ASB1: variants seen among roughly 807,000 people sequenced by gnomAD.
The protein encoded by ASB1 is ankyrin repeat and SOCS box protein 1.
ASB1 carries 18 observed loss-of-function variants against 27.7 expected under a neutral mutation model. The ratio of observed to expected loss-of-function variants is 0.65; its 90% CI spans 0.45 to 0.96. The LOEUF is 0.96. Among genes scored for constraint, ASB1 ranks in the 50% least tolerant of loss-of-function variants. The pLI is 0.00. For missense variants in ASB1, 397 were observed against 451.7 expected, an observed-to-expected ratio of 0.88 and a Z score of 1.10; for synonymous variants, 189 against 187.6, an observed-to-expected ratio of 1.01 and a Z score of -0.06.
At position 238,431,029 on chromosome 2, in the gene ASB1, C is replaced by T. The variant is rs13398205; in HGVS notation, c.50-2525C>T. Among the ~76,000 whole-genome samples, 872 of 152,380 alleles carry T rather than the reference C, an allele frequency of 5.7e-3. 10 individuals carry two copies. The highest frequency in any genetic ancestry group is 0.02 in the African/African-American group (829 of 41,590). ...AGTCACCAGCTGCGTTAGCCCCTAA[C>T]GAGAGTCAGCTTGTCCTTTAAAGCT... On this transcript the variant is annotated intron_variant, in intron 1 of 4. Transcript: ENST00000264607.
intron 3 of ASB1, among the ~76,000 whole-genome samples, chr2:238,439,202 C>T (rs1702031972): frequency 6.6e-6 from 1 of 152,168 alleles, no homozygotes; most frequent in African/African-American, 2.4e-5. Flanking sequence ...AATACTTCCC[C>T]TGTCACTCCT....
chr2:238,428,651 G>A lies in ASB1; in HGVS notation c.49+1532G>A, dbSNP rs143093652. Among the ~76,000 whole-genome samples the A allele has an allele frequency of 1.2e-4, 18 of 152,262 alleles. No homozygotes were observed. The East Asian group carries it at 3.3e-3, about 28-fold the overall frequency. ...GCTGTTTTGTTATTCAGTGTGTTTC[G>A]GCCTCGGGTAGAGGGGCAACAGATT... On this transcript the variant is annotated intron_variant, in intron 1 of 4. Transcript: ENST00000264607.
chr2:238,445,121 G>A (rs967190424), intron 4 of ASB1, among the ~76,000 whole-genome samples: 7 of 151,380 alleles, frequency 4.6e-5, no homozygotes. Flanking sequence ...AGCTGGGACT[G>A]TAGGTGCACA....
At chr2:238,434,363 C>T (rs899188745) in intron 2 of ASB1, among the ~76,000 whole-genome samples, 2 of 152,184 alleles carry the variant, frequency 1.3e-5, no homozygotes, top group Non-Finnish European at 2.9e-5. Context: ...GATTGTTCTG[C>T]GGGTCTAAGG....
intron 3 of ASB1, among the ~76,000 whole-genome samples, chr2:238,438,199 A>ATATTTTTTTT (rs1702008275): frequency 1.0e-5 from 1 of 98,198 alleles, no homozygotes; most frequent in Non-Finnish European, 1.9e-5. Context: ...GATGCCCTTC[A>ATATTTTTTTT]TTTTTTTTTT....
chr2:238,440,232 T>G (rs910619213), intron 3 of ASB1, among the ~76,000 whole-genome samples: 1 of 152,218 alleles, frequency 6.6e-6, no homozygotes, highest in African/African-American at 2.4e-5. Context: ...TGCAGAACCC[T>G]ATATTTGGAC....
At chr2:238,429,947 A>C (rs1454713849) in intron 1 of ASB1, among the ~76,000 whole-genome samples, 1 of 152,044 alleles carries the variant, frequency 6.6e-6, no homozygotes, top group Non-Finnish European at 1.5e-5. Context: ...CAAAAAAAAA[A>C]AAAAACCAAG....
At position 238,433,595 on chromosome 2, in the gene ASB1, C is replaced by G. The variant is rs757089639; in HGVS notation, c.91C>G (p.His31Asp). 1.2e-6 allele frequency: 2 copies of G among 1,614,076 alleles called. No individual in the cohort carries two copies. Among genetic ancestry groups the G allele is most frequent in the South Asian group, 2.2e-5 (2 of 91,058 alleles). ...KEWLREQFCD[H>D]PLEHCEDTRL... ...GTGGCTGAGGGAGCAATTTTGTGAT[C>G]ATCCGCTGGAGCACTGTGAGGACAC... Residue 31 changes from histidine (H) to aspartate (D), a missense_variant, in exon 2 of 5, where the codon CAT becomes GAT. His to Asp is a moderately conservative substitution (Grantham distance 81). Transcript: ENST00000264607.
chr2:238,443,000 C>G (rs1158691651), intron 3 of ASB1, among the ~76,000 whole-genome samples: 1 of 152,158 alleles, frequency 6.6e-6, no homozygotes, highest in Non-Finnish European at 1.5e-5. Context: ...TCTTGCTTGT[C>G]TTTTTCATAT....
At chr2:238,436,795 G>A (rs1320477151) in intron 3 of ASB1, among the ~76,000 whole-genome samples, 1 of 138,234 alleles carries the variant, frequency 7.2e-6, no homozygotes, top group African/African-American at 2.9e-5. Flanking sequence ...TTACATTTTT[G>A]TCATTGGATC....
intron 3 of ASB1, among the ~76,000 whole-genome samples, chr2:238,440,776 A>T (rs1480222828): frequency 1.3e-5 from 2 of 152,350 alleles, no homozygotes; most frequent in East Asian, 3.9e-4. Flanking sequence ...AAATGGAGTC[A>T]TTTAGAGATT....
chr2:238,441,986 A>C (rs1575006885), intron 3 of ASB1, among the ~76,000 whole-genome samples: 2 of 152,292 alleles, frequency 1.3e-5, no homozygotes, highest in South Asian at 4.1e-4. Context: ...CTGGTCAATA[A>C]ATTTTTGGAT....
intron 2 of ASB1, among the ~76,000 whole-genome samples, chr2:238,434,672 A>G (rs1701933472): frequency 6.6e-6 from 1 of 152,252 alleles, no homozygotes; most frequent in South Asian, 2.1e-4. Flanking sequence ...AGACAGATGG[A>G]TTACGCACAG....
At chr2:238,441,294 T>G (rs1174198044) in intron 3 of ASB1, among the ~76,000 whole-genome samples, 4 of 151,954 alleles carry the variant, frequency 2.6e-5, no homozygotes, top group Non-Finnish European at 2.9e-5. Context: ...GCCACCACAC[T>G]TAGTTAATTT....
At chr2:238,428,656 C>T (rs184495760) in intron 1 of ASB1, among the ~76,000 whole-genome samples, 1 of 152,136 alleles carries the variant, frequency 6.6e-6, no homozygotes, top group Non-Finnish European at 1.5e-5. Flanking sequence ...GTTTCGGCCT[C>T]GGGTAGAGGG....
chr2:238,438,548 C>T (rs970221610), intron 3 of ASB1, among the ~76,000 whole-genome samples: 1 of 152,218 alleles, frequency 6.6e-6, no homozygotes, highest in African/African-American at 2.4e-5. Flanking sequence ...TACTCCCTCA[C>T]TGGAGCACGG....
chr2:238,430,460 C>T (rs776379981), intron 1 of ASB1, among the ~76,000 whole-genome samples: 91 of 152,352 alleles, frequency 6.0e-4, no homozygotes, highest in Middle Eastern at 6.8e-3. Flanking sequence ...CTTGTGATTT[C>T]CACTGCATCT....
Position 238,449,470 on chromosome 2 carries a change from C to G in ASB1, c.*2959C>G, listed in dbSNP as rs2340869. 2,728 of 152,526 alleles carry G rather than the reference C, an allele frequency of 0.018. 52 individuals carry two copies. Among genetic ancestry groups the G allele is most frequent in the Middle Eastern group, 0.048 (16 of 332 alleles). The allele number at this position is 152,526 out of a possible 1,614,324, so 9.4% of individuals were successfully genotyped here. On this transcript the variant is annotated 3_prime_UTR_variant, in exon 5 of 5. Coordinates refer to ENST00000264607, the MANE Select transcript of ASB1 (RefSeq NM_001040445.3). ...GTCACCACTGCCAGTGGCTGTGGAA[C>G]AGTCCTGGGCCCTGGGCCTTGGCTG... is the stretch of plus-strand genomic sequence containing the variant.
chr2:238,442,153 G>A (rs1046972819), intron 3 of ASB1, among the ~76,000 whole-genome samples: 7 of 145,164 alleles, frequency 4.8e-5, no homozygotes, highest in African/African-American at 7.7e-5. Flanking sequence ...ATGAAGTCTC[G>A]CTCTGTTGCC....
Sources: allele counts gnomAD v4.1 joint callset (sites outside exome capture counted in the v4.1 genomes callset), GRCh38; gene constraint gnomAD v4.1.1; transcripts MANE v1.5; gene names NCBI Gene and HGNC (gene_info 2026-07-23, HGNC 2026-07-21).